Variants in MTA3 observed in about 807,000 individuals in gnomAD.
MTA3 encodes metastasis associated 1 family member 3.
Under a neutral mutation model 83.5 loss-of-function variants are expected in MTA3, and 34 were observed. That is an observed-to-expected ratio of 0.41 (90% CI 0.31 to 0.54). The LOEUF is 0.54. MTA3 is among the 20% of genes least tolerant of loss of function. MTA3 has a pLI of 0.33. For synonymous variants in MTA3, 303 were observed against 252.7 expected (o/e 1.20, Z -1.89); for missense variants, 761 against 726.4 (o/e 1.05, Z -0.55).
intron 3 of MTA3, among the ~76,000 whole-genome samples, chr2:42,580,448 T>C (rs1679494233): frequency 6.6e-6 from 1 of 152,136 alleles, no homozygotes. Context: ...CTTGGCTCAC[T>C]GCAACCTCCG....
chr2:42,512,658 C>G (rs1385893021), intron 2 of MTA3, among the ~76,000 whole-genome samples: 1 of 152,128 alleles, frequency 6.6e-6, no homozygotes, highest in Non-Finnish European at 1.5e-5. Flanking sequence ...ACCAAGTTTC[C>G]TTTGATGATG....
intron 5 of MTA3, 86 bp downstream of exon 5, chr2:42,640,322 A>G: frequency 2.1e-6 from 2 of 945,894 alleles, no homozygotes; most frequent in Non-Finnish European, 3.2e-6. Context: ...TTTTTGTACA[A>G]AAGTATTATT....
intron 2 of MTA3, among the ~76,000 whole-genome samples, chr2:42,506,954 G>A (rs1674659974): frequency 6.6e-6 from 1 of 152,118 alleles, no homozygotes; most frequent in South Asian, 2.1e-4. Flanking sequence ...CTGAACTGGA[G>A]TACAGTGGTG....
At chr2:42,551,654 G>C (rs577106519) in intron 2 of MTA3, among the ~76,000 whole-genome samples, 3 of 152,100 alleles carry the variant, frequency 2.0e-5, no homozygotes, top group Non-Finnish European at 4.4e-5. Flanking sequence ...GGAATAAAGC[G>C]GGAGAGAGTG....
intron 8 of MTA3, among the ~76,000 whole-genome samples, chr2:42,662,352 T>C (rs181391974): frequency 2.0e-5 from 3 of 151,746 alleles, no homozygotes; most frequent in African/African-American, 7.2e-5. Context: ...ATATATTTCT[T>C]GTGTCTTGTT....
At chr2:42,567,452 C>T (rs1450032988), upstream of MTA3, among the ~76,000 whole-genome samples, 1 of 152,168 alleles carries the variant, frequency 6.6e-6, no homozygotes, top group African/African-American at 2.4e-5. Context: ...CCTCTTAGCC[C>T]CGCACAGACC....
upstream of MTA3, among the ~76,000 whole-genome samples, chr2:42,564,187 C>T (rs570857786): frequency 1.3e-5 from 2 of 152,160 alleles, no homozygotes; most frequent in East Asian, 1.9e-4. Context: ...AGGTTAACCA[C>T]CCAGAGGCTC....
At chr2:42,703,782 A>G (rs966807512) in intron 11 of MTA3, 11 of 158,820 alleles carry the variant, frequency 6.9e-5, no homozygotes, top group Non-Finnish European at 1.1e-4. Context: ...CCCAGCTACT[A>G]GGGAGGCTGA....
At chr2:42,521,945 G>A (rs1423212145) in intron 2 of MTA3, among the ~76,000 whole-genome samples, 1 of 151,814 alleles carries the variant, frequency 6.6e-6, no homozygotes, top group Non-Finnish European at 1.5e-5. Context: ...GTAGAGATGG[G>A]GTTTCACCAT....
chr2:42,587,566 T>C (rs558564414), intron 3 of MTA3, among the ~76,000 whole-genome samples: 4 of 152,122 alleles, frequency 2.6e-5, no homozygotes, highest in Non-Finnish European at 5.9e-5. Context: ...TCTGTTTTTT[T>C]CTCTCGATTT....
intron 11 of MTA3, among the ~76,000 whole-genome samples, chr2:42,700,735 A>C (rs1344957659): frequency 6.6e-6 from 1 of 152,218 alleles, no homozygotes; most frequent in East Asian, 1.9e-4. Context: ...GGTCATTCTA[A>C]ATCGCCACTT....
At chr2:42,669,248 A>C (rs1207784308) in intron 8 of MTA3, among the ~76,000 whole-genome samples, 1 of 151,840 alleles carries the variant, frequency 6.6e-6, no homozygotes, top group Admixed American at 6.6e-5. Context: ...CCCCCTGGCT[A>C]ATTTTTGTGT....
chr2:42,687,514 A>C (rs2104450022), intron 9 of MTA3, among the ~76,000 whole-genome samples: 1 of 152,328 alleles, frequency 6.6e-6, no homozygotes, highest in East Asian at 1.9e-4. Context: ...AAGTTGCTAT[A>C]AACATTTTGC....
intron 14 of MTA3, among the ~76,000 whole-genome samples, chr2:42,718,485 A>T (rs1667183059): frequency 6.6e-6 from 1 of 151,132 alleles, no homozygotes. Context: ...GCCTCAGGTG[A>T]TCTACCCTCC....
At chr2:42,517,862 C>G (rs1382340429) in intron 2 of MTA3, among the ~76,000 whole-genome samples, 2 of 65,054 alleles carry the variant, frequency 3.1e-5, no homozygotes, top group African/African-American at 7.5e-5. Context: ...GAGACTCTGT[C>G]TCAAAAAAAA....
rs138529620 is a variant in MTA3 at position 42,577,131 on chromosome 2, TATAA to T, written c.97-1974_97-1971del. On this transcript the variant is annotated intron_variant, in intron 2 of 16. Transcript: ENST00000405094. ...ATATATATATATATATATATATATA[TATAA>T]AAATGAACTCTTAATTGCTGTAATG... 7.4e-3 allele frequency among the ~76,000 whole-genome samples: 771 copies of T among 104,558 alleles called. 128 individuals are homozygous for T. The highest frequency in any genetic ancestry group is 0.034 in the Middle Eastern group (5 of 148). The allele number at this position is 104,558 out of a possible 152,430, so 68.6% of individuals were successfully genotyped here. A position where few individuals can be genotyped will look rare whatever the true frequency, so the allele number is the denominator to read the frequency against.
chr2:42,516,194 C>T (rs1675138258), intron 2 of MTA3, among the ~76,000 whole-genome samples: 1 of 152,148 alleles, frequency 6.6e-6, no homozygotes, highest in African/African-American at 2.4e-5. Context: ...TGGGATCAGG[C>T]ATGAGCCACC....
chr2:42,499,169 ATCT>A (rs1163910492), intron 2 of MTA3, among the ~76,000 whole-genome samples: 2 of 151,246 alleles, frequency 1.3e-5, no homozygotes, highest in South Asian at 2.1e-4. Flanking sequence ...AAGAGGGTAG[ATCT>A]TTTTTTTTTT....
chr2:42,739,294 C>T (rs573046541), intron 16 of MTA3, among the ~76,000 whole-genome samples: 20 of 152,252 alleles, frequency 1.3e-4, no homozygotes, highest in East Asian at 9.6e-4. Context: ...ACGTGATTAT[C>T]GGGGCAGGTC....
Sources: allele counts gnomAD v4.1 joint callset (sites outside exome capture counted in the v4.1 genomes callset), GRCh38; gene constraint gnomAD v4.1.1; transcripts MANE v1.5; gene names NCBI Gene and HGNC (gene_info 2026-07-23, HGNC 2026-07-21).